Variants in PTPRN2 observed in about 807,000 individuals in gnomAD.
PTPRN2 encodes the protein protein tyrosine phosphatase receptor type N2, also known as receptor-type tyrosine-protein phosphatase N2.
Under a neutral mutation model 118.8 loss-of-function variants are expected in PTPRN2, and 74 were observed. The ratio of observed to expected loss-of-function variants is 0.62; its 90% CI spans 0.52 to 0.76. PTPRN2 has a LOEUF of 0.76. Ranked by LOEUF, PTPRN2 falls within the 30% of genes least tolerant of loss-of-function variation. The pLI is 0.00. For missense variants in PTPRN2, 1,481 were observed against 1,394.4 expected (o/e 1.06, Z -0.99); for synonymous variants, 641 against 608.0 (o/e 1.05, Z -0.80).
At chr7:158,418,807 C>T (rs1815013497) in intron 2 of PTPRN2, among the ~76,000 whole-genome samples, 3 of 152,162 alleles carry the variant, frequency 2.0e-5, no homozygotes, top group African/African-American at 7.2e-5. Context: ...CATCGAGATG[C>T]TCCAGCTCTC....
chr7:158,521,036 C>G (rs1823951055), intron 1 of PTPRN2, among the ~76,000 whole-genome samples: 1 of 152,268 alleles, frequency 6.6e-6, no homozygotes, highest in African/African-American at 2.4e-5. Context: ...CCAAGTGCTG[C>G]AGCCAGGACC....
chr7:158,237,904 G>A (rs1184192420), intron 3 of PTPRN2, among the ~76,000 whole-genome samples: 2 of 152,216 alleles, frequency 1.3e-5, no homozygotes, highest in African/African-American at 4.8e-5. Flanking sequence ...GCTGAGCTCA[G>A]CACAGAGCCT....
chr7:158,361,596 G>C (rs1318309968), intron 2 of PTPRN2, among the ~76,000 whole-genome samples: 1 of 152,194 alleles, frequency 6.6e-6, no homozygotes, highest in Admixed American at 6.5e-5. Flanking sequence ...TCCAGAGAGA[G>C]CTGAGCCACA....
At chr7:158,205,089 C>CA (rs144438464) in intron 4 of PTPRN2, 82 bp downstream of exon 4, 23,248 of 1,148,172 alleles carry the variant, frequency 0.02, 279 homozygotes, top group African/African-American at 0.029. Context: ...TACATTAAAA[C>CA]AAACAAACAA....
At chr7:158,143,149 A>G (rs564328562) in intron 6 of PTPRN2, among the ~76,000 whole-genome samples, 27 of 152,306 alleles carry the variant, frequency 1.8e-4, no homozygotes, top group African/African-American at 5.8e-4. Context: ...CCACAGGTCC[A>G]ATGCTGGCAA....
At chr7:157,700,726 A>T (rs545577268) in intron 12 of PTPRN2, among the ~76,000 whole-genome samples, 1 of 151,998 alleles carries the variant, frequency 6.6e-6, no homozygotes, top group East Asian at 1.9e-4. Flanking sequence ...GCTCCCTTTC[A>T]TCTGATCAAC....
At chr7:158,157,369 C>A (rs1372792114) in intron 6 of PTPRN2, among the ~76,000 whole-genome samples, 1 of 152,228 alleles carries the variant, frequency 6.6e-6, no homozygotes, top group African/African-American at 2.4e-5. Context: ...TGGCTTACAG[C>A]AGCATGGACC....
At chr7:158,328,676 T>A (rs56389048) in intron 2 of PTPRN2, among the ~76,000 whole-genome samples, 59,834 of 150,170 alleles carry the variant, frequency 0.4, 11,994 homozygotes, top group Middle Eastern at 0.47. Flanking sequence ...TGGGATGGTA[T>A]ATCCAGGAGA....
In PTPRN2 at chr7:157,944,114, C is replaced by G. The variant is rs1800316946; in HGVS notation, c.1724-45377G>C. On this transcript the variant is annotated intron_variant, in intron 11 of 22. Transcript: ENST00000389418. This position sits in a 1 kb window ranked among gnomAD's most constrained non-coding sequence, Gnocchi z 4.3. Reference sequence around the variant, plus strand: ...TGCTATCACTTCAATTACAGACACTCCGAGCCCAGGACAGGCTCCAGATGC... The same window carrying G: ...TGCTATCACTTCAATTACAGACACTGCGAGCCCAGGACAGGCTCCAGATGC... 6.6e-6 allele frequency among the ~76,000 whole-genome samples: 1 copy of G among 152,234 alleles called. No individual in the cohort carries two copies. Among genetic ancestry groups the G allele is most frequent in the South Asian group, 2.1e-4 (1 of 4,838 alleles).
rs1256061747 is a variant in PTPRN2, at chr7:157,733,305, C to T, written c.1789-50368G>A. Among the ~76,000 whole-genome samples the T allele has an allele frequency of 1.5e-4, 5 of 33,106 alleles. 2 individuals are homozygous for T. The highest frequency in any genetic ancestry group is 1.4e-3 in the East Asian group (2 of 1,468). The allele number at this position is 33,106 out of a possible 152,430, so 21.7% of individuals were successfully genotyped here. On this transcript the variant is annotated intron_variant, in intron 12 of 22. Transcript: ENST00000389418. ...CATGCGCCCAGCACAGTTACCCTTT[C>T]CCGTCCCACGCGCCCAGCACAGTTA... is the stretch of plus-strand genomic sequence containing the variant.
chr7:158,493,928 G>T (rs956303962), intron 1 of PTPRN2, among the ~76,000 whole-genome samples: 9 of 152,232 alleles, frequency 5.9e-5, no homozygotes, highest in African/African-American at 2.2e-4. Flanking sequence ...CACGTACATG[G>T]GTACACTCAT....
intron 12 of PTPRN2, among the ~76,000 whole-genome samples, chr7:157,889,127 A>G (rs1796650248): frequency 6.6e-6 from 1 of 152,204 alleles, no homozygotes; most frequent in Admixed American, 6.5e-5. Flanking sequence ...AGAAAAATAA[A>G]GTCCAAAGCC....
chr7:158,024,558 C>T (rs981767832), intron 11 of PTPRN2, among the ~76,000 whole-genome samples: 2 of 152,238 alleles, frequency 1.3e-5, no homozygotes, highest in African/African-American at 4.8e-5. Context: ...CCACGTCCTC[C>T]ACAAGGTCAT....
chr7:158,375,643 G>A (rs968314883), intron 2 of PTPRN2, among the ~76,000 whole-genome samples: 3 of 152,218 alleles, frequency 2.0e-5, no homozygotes, highest in African/African-American at 7.2e-5. Flanking sequence ...CTGTTTTTGT[G>A]CCCAAATGTT....
rs112006324 is a variant in PTPRN2 at position 157,596,412 on chromosome 7, C to T, written c.2419-1097G>A. ...TCTCCGGCTCCCCAGTTTGTCCGAA[C>T]GCATCTTGCTAGCTCCAATGGGAGA... is the stretch of plus-strand genomic sequence containing the variant. On this transcript the variant is annotated intron_variant, in intron 16 of 22. Coordinates refer to ENST00000389418, the MANE Select transcript of PTPRN2 (RefSeq NM_002847.5). The surrounding 1 kb of genome is among the most constrained non-coding windows in gnomAD (Gnocchi z 4.2). 1.3e-5 allele frequency among the ~76,000 whole-genome samples: 2 copies of T among 152,326 alleles called. No individual in the cohort carries two copies. Among genetic ancestry groups the T allele is most frequent in the South Asian group, 2.1e-4 (1 of 4,828 alleles).
rs1386650428 is a variant in PTPRN2, at chr7:157,615,137, G to A, written c.2344+6225C>T. Among the ~76,000 whole-genome samples the A allele has an allele frequency of 2.0e-5, 3 of 152,368 alleles. No individual in the cohort carries two copies. Among genetic ancestry groups the A allele is most frequent in the East Asian group, 3.9e-4 (2 of 5,194 alleles). On this transcript the variant is annotated intron_variant, in intron 15 of 22. Coordinates refer to ENST00000389418, the MANE Select transcript of PTPRN2 (RefSeq NM_002847.5). This position sits in a 1 kb window ranked among gnomAD's most constrained non-coding sequence, Gnocchi z 4.3. ...AAGTGCTCGCAGGTCACGCTAATAC[G>A]GCCAACACTGGGCGGCTGGCCAGCG...
At chr7:157,685,693 T>C (rs1013177632) in intron 12 of PTPRN2, among the ~76,000 whole-genome samples, 1 of 152,164 alleles carries the variant, frequency 6.6e-6, no homozygotes, top group African/African-American at 2.4e-5. Context: ...GAACCGGGCC[T>C]GCTTTGGAGG....
intron 11 of PTPRN2, among the ~76,000 whole-genome samples, chr7:157,952,572 G>A (rs1188131115): frequency 1.3e-5 from 2 of 152,098 alleles, no homozygotes; most frequent in Non-Finnish European, 1.5e-5. Context: ...CCCCTGTGGT[G>A]CAGAGCTGTG....
At position 158,526,529 on chromosome 7, in the gene PTPRN2, T is replaced by C. The variant is rs567351959; in HGVS notation, c.113-36744A>G. On this transcript the variant is annotated intron_variant, in intron 1 of 22. Coordinates refer to ENST00000389418, the MANE Select transcript of PTPRN2 (RefSeq NM_002847.5). This position sits in a 1 kb window ranked among gnomAD's most constrained non-coding sequence, Gnocchi z 5.2. Reference sequence around the variant, plus strand: ...AACTGACTCGGTTGTTCTCCATTCCTGATCCCATTTCCTGTTTGTGGGTGT... The same window carrying C: ...AACTGACTCGGTTGTTCTCCATTCCCGATCCCATTTCCTGTTTGTGGGTGT... 6.6e-6 allele frequency among the ~76,000 whole-genome samples: 1 copy of C among 152,304 alleles called. No individual in the cohort carries two copies. Among genetic ancestry groups the C allele is most frequent in the East Asian group, 1.9e-4 (1 of 5,168 alleles).
Sources: allele counts gnomAD v4.1 joint callset (sites outside exome capture counted in the v4.1 genomes callset), GRCh38; gene constraint gnomAD v4.1.1; non-coding constraint Gnocchi (gnomAD v3.1); transcripts MANE v1.5; gene names NCBI Gene and HGNC (gene_info 2026-07-23, HGNC 2026-07-21).